MYLK: variants seen among roughly 807,000 people sequenced by gnomAD.
MYLK encodes the protein myosin light chain kinase.
Under a neutral mutation model 203.4 loss-of-function variants are expected in MYLK, and 106 were observed. The observed-to-expected ratio is 0.52, with a 90% confidence interval of 0.45 to 0.61. The LOEUF (loss-of-function observed/expected upper bound fraction) is 0.61, where lower values mean the gene tolerates loss of function less well. Ranked by LOEUF, MYLK falls within the 20% of genes least tolerant of loss-of-function variation. MYLK has a pLI of 0.00. For synonymous variants in MYLK, 867 were observed against 959.5 expected (o/e 0.90, Z 1.78); for missense variants, 2,072 against 2,442.3 (o/e 0.85, Z 3.20).
At position 123,778,461 on chromosome 3, in the gene MYLK, C is replaced by A. The variant is rs566731815; in HGVS notation, c.165+15216G>T. 1.1e-4 allele frequency among the ~76,000 whole-genome samples: 16 copies of A among 148,632 alleles called. No individual in the cohort carries two copies. The South Asian group carries it at 3.5e-3, about 32-fold the overall frequency. ...CCGGGAGGTGGAGCTTGCAGTGAGC[C>A]AAGATTGCGCCACTGTACCCCAGCC... is the stretch of plus-strand genomic sequence containing the variant. On this transcript the variant is annotated intron_variant, in intron 4 of 33. Transcript: ENST00000360304.
Position 123,657,185 on chromosome 3 carries a change from T to A in MYLK, c.4229A>T (p.Tyr1410Phe), listed in dbSNP as rs4528888. 24 of 1,614,092 alleles carry A rather than the reference T, an allele frequency of 1.5e-5. No homozygotes were observed. In the South Asian group the frequency reaches 2.6e-4, roughly 18 times the overall value. Reference sequence around the variant, plus strand: ...CTCCTGGCTTGGCTCACTGGTTCCATACACGTTGATTGCACGTACACGGAA... The same window carrying A: ...CTCCTGGCTTGGCTCACTGGTTCCAAACACGTTGATTGCACGTACACGGAA... ...YKFRVRAINV[Y>F]GTSEPSQESE... The change falls in exon 24 of 34, where the codon TAT becomes TTT. Residue 1410 changes from tyrosine (Y) to phenylalanine (F), a missense_variant. By Grantham distance (22) the Tyr-to-Phe change is conservative. Transcript: ENST00000360304.
At chr3:123,646,815 C>T (rs2108173178) in intron 27 of MYLK, 1 of 219,090 alleles carries the variant, frequency 4.6e-6, no homozygotes, top group South Asian at 7.7e-5. Flanking sequence ...GCCAGGGGCC[C>T]CCTTATCTTT....
chr3:123,771,199 T>C (rs1226642885), intron 4 of MYLK, among the ~76,000 whole-genome samples: 1 of 152,224 alleles, frequency 6.6e-6, no homozygotes, highest in Non-Finnish European at 1.5e-5. Flanking sequence ...TTTCTCAGGA[T>C]ATATTTCTTC....
intron 2 of MYLK, among the ~76,000 whole-genome samples, chr3:123,875,197 T>C (rs144351966): frequency 6.6e-6 from 1 of 152,254 alleles, no homozygotes; most frequent in African/African-American, 2.4e-5. Flanking sequence ...CATTATCACC[T>C]CAAACTGGAA....
intron 24 of MYLK, among the ~76,000 whole-genome samples, chr3:123,652,056 G>A (rs940078668): frequency 1.3e-5 from 2 of 152,188 alleles, no homozygotes; most frequent in African/African-American, 4.8e-5. Context: ...AATCCAGCCT[G>A]TGCAACAGAG....
chr3:123,870,937 T>C (rs1429858625), intron 2 of MYLK, among the ~76,000 whole-genome samples: 4 of 152,164 alleles, frequency 2.6e-5, no homozygotes, highest in East Asian at 3.9e-4. Flanking sequence ...CCAACTCCCT[T>C]TCCTCTCCTT....
chr3:123,815,490 C>T (rs2065718693), intron 3 of MYLK, among the ~76,000 whole-genome samples: 1 of 152,196 alleles, frequency 6.6e-6, no homozygotes, highest in Non-Finnish European at 1.5e-5. Context: ...GAGGCTTCTG[C>T]CCTCTCCAGT....
rs1373697705 is a variant in MYLK, at chr3:123,701,493, A to G, written c.2407T>C (p.Cys803Arg). Residue 803 changes from cysteine to arginine, a missense_variant, in exon 17 of 34, where the codon TGC (cysteine) becomes CGC (arginine). By Grantham distance (180) the Cys-to-Arg change is radical (BLOSUM62 -3). This residue lies in a region of MYLK where 865 missense variants were observed against 1,016.0 expected (regional missense o/e 0.85). Coordinates refer to ENST00000360304, the MANE Select transcript of MYLK (RefSeq NM_053025.4). ...EILLKNRVGE[C>R]SCQVSLMLQN... ...AGCATCAGTGACACCTGGCAACTGC[A>G]TTCGCCAACCCGGTTCCTGAAGAAT... The G allele has an allele frequency of 5.0e-6, 8 of 1,613,940 alleles. No homozygotes were observed. The highest frequency in any genetic ancestry group is 1.1e-5 in the South Asian group (1 of 91,082).
chr3:123,786,887 T>C (rs943209445), intron 4 of MYLK, among the ~76,000 whole-genome samples: 2 of 152,240 alleles, frequency 1.3e-5, no homozygotes, highest in Admixed American at 6.5e-5. Flanking sequence ...TTTGTATAAA[T>C]CATTTCTGAA....
At position 123,649,053 on chromosome 3, in the gene MYLK, G is replaced by T; in HGVS notation, c.4333C>A (p.Pro1445Thr). The T allele has an allele frequency of 6.2e-7, 1 of 1,614,152 alleles. No individual in the cohort carries two copies. Among genetic ancestry groups the T allele is most frequent in the Non-Finnish European group, 8.5e-7 (1 of 1,180,022 alleles). ...VEVSDDDEKEPEVDYRTVTIN... is the reference protein window; with the variant it reads ...VEVSDDDEKETEVDYRTVTIN... Reference sequence around the variant, plus strand: ...GTCACTGTCCGGTAATCAACCTCGGGCTCCTTCTCATCTGTGGGGCACAGG... The same window carrying T: ...GTCACTGTCCGGTAATCAACCTCGGTCTCCTTCTCATCTGTGGGGCACAGG... Residue 1445 changes from proline to threonine, a missense_variant, in exon 26 of 34, where the codon CCC (proline) becomes ACC (threonine). This residue lies in a region of MYLK where 524 missense variants were observed against 782.4 expected (regional missense o/e 0.67). Coordinates refer to ENST00000360304, the MANE Select transcript of MYLK (RefSeq NM_053025.4).
chr3:123,735,389 T>A lies in MYLK; in HGVS notation c.773+9A>T, dbSNP rs1265030829. On this transcript the variant is annotated intron_variant, in intron 9 of 33. Coordinates refer to ENST00000360304, the MANE Select transcript of MYLK (RefSeq NM_053025.4). Reference sequence around the variant, plus strand: ...GGGAAAACGTAAAAGTCACAAAGCCTAGACATACCTATTGGCACTGTCCAA... The same window carrying A: ...GGGAAAACGTAAAAGTCACAAAGCCAAGACATACCTATTGGCACTGTCCAA... 1.2e-6 allele frequency: 2 copies of A among 1,614,058 alleles called. No individual in the cohort carries two copies. The highest frequency in any genetic ancestry group is 1.7e-6 in the Non-Finnish European group (2 of 1,179,966).
rs375314884 is a variant in MYLK, at chr3:123,682,176, C to T, written c.3652+48G>A. 9.4e-6 allele frequency: 14 copies of T among 1,487,844 alleles called. No individual in the cohort carries two copies. In the African/African-American group the frequency reaches 9.6e-5, roughly 10 times the overall value. 92.2% of individuals were successfully genotyped at this position (1,487,844 alleles called of 1,614,324 possible). On this transcript the variant is annotated intron_variant, in intron 20 of 33. Coordinates refer to ENST00000360304, the MANE Select transcript of MYLK (RefSeq NM_053025.4). ...GAGGCTGCCCTCAGTCCCCGGGGTG[C>T]CTGCCCCTGCCTCTGCCTCTGCCTG...
At chr3:123,768,413 C>T (rs1248536764) in intron 4 of MYLK, among the ~76,000 whole-genome samples, 1 of 152,186 alleles carries the variant, frequency 6.6e-6, no homozygotes, top group Non-Finnish European at 1.5e-5. Context: ...ACTGACTGCT[C>T]AGCTATGTCA....
rs189757903 is a variant in MYLK, at chr3:123,692,764, G to A, written c.3536C>T (p.Ala1179Val). Residue 1179 changes from alanine to valine, a missense_variant, in exon 19 of 34, where the codon GCG becomes GTG. This residue lies in a region of MYLK where 865 missense variants were observed against 1,016.0 expected (regional missense o/e 0.85). Coordinates refer to ENST00000360304, the MANE Select transcript of MYLK (RefSeq NM_053025.4). ...KCVAKNDAGQAECSCQVTVDD... is the reference protein window; with the variant it reads ...KCVAKNDAGQVECSCQVTVDD... Reference sequence around the variant, plus strand: ...CACGGTGACTTGGCAGGAGCACTCCGCCTGGCCAGCGTCATTCTTGGCTAC... The same window carrying A: ...CACGGTGACTTGGCAGGAGCACTCCACCTGGCCAGCGTCATTCTTGGCTAC... The A allele has an allele frequency of 3.1e-6, 5 of 1,613,914 alleles. No homozygotes were observed. The highest frequency in any genetic ancestry group is 4.5e-5 in the East Asian group (2 of 44,872).
chr3:123,792,963 G>C (rs1012876140), intron 4 of MYLK, among the ~76,000 whole-genome samples: 1 of 152,178 alleles, frequency 6.6e-6, no homozygotes, highest in Non-Finnish European at 1.5e-5. Flanking sequence ...CACGTAGCCA[G>C]ACCTGCCACT....
chr3:123,745,792 A>G (rs1457345715), intron 5 of MYLK, among the ~76,000 whole-genome samples: 1 of 152,206 alleles, frequency 6.6e-6, no homozygotes, highest in African/African-American at 2.4e-5. Context: ...GCCTTCATGG[A>G]GCTTACAGTT....
At chr3:123,842,773 C>A (rs2066624838) in intron 2 of MYLK, among the ~76,000 whole-genome samples, 1 of 152,362 alleles carries the variant, frequency 6.6e-6, no homozygotes, top group Non-Finnish European at 1.5e-5. Context: ...TAAATACTTA[C>A]ATACCAGTCA....
chr3:123,639,062 T>TC (rs1163760879), intron 28 of MYLK: 1 of 985,308 alleles, frequency 1.0e-6, no homozygotes, highest in Non-Finnish European at 1.2e-6. Context: ...ACACGGTTGT[T>TC]CCCACAGTAT....
rs146990616 is a variant in MYLK, at chr3:123,620,185, GGCTGGAGAA to G, written c.5368+13_5368+21del. 10,466 of 1,603,516 alleles carry G rather than the reference GGCTGGAGAA, an allele frequency of 6.5e-3. 42 individuals are homozygous for G. The highest frequency in any genetic ancestry group is 7.8e-3 in the Non-Finnish European group (9,089 of 1,170,520). On this transcript the variant is annotated intron_variant, in intron 32 of 33. Coordinates refer to ENST00000360304, the MANE Select transcript of MYLK (RefSeq NM_053025.4). ...CCCAGCCCTTTCTTTCTCACCAGCTGGCTGGAGAAACTCCTCCTTACCTTCAGATTCTAG... is the reference window on the plus strand; with the variant it reads ...CCCAGCCCTTTCTTTCTCACCAGCTGACTCCTCCTTACCTTCAGATTCTAG...
Sources: allele counts gnomAD v4.1 joint callset (sites outside exome capture counted in the v4.1 genomes callset), GRCh38; gene constraint gnomAD v4.1.1; regional missense constraint gnomAD v4.1.1; transcripts MANE v1.5; gene names NCBI Gene and HGNC (gene_info 2026-07-23, HGNC 2026-07-21).